Variants in NFATC2 observed in about 807,000 individuals in gnomAD.
NFATC2 encodes the protein nuclear factor of activated T cells 2.
In NFATC2, 22 loss-of-function variants were observed where a neutral mutation model predicts 87.3. The ratio of observed to expected loss-of-function variants is 0.25; its 90% CI spans 0.18 to 0.36. The LOEUF is 0.36. Ranked by LOEUF, NFATC2 falls within the 10% of genes least tolerant of loss-of-function variation. NFATC2 has a pLI of 1.00. For missense variants in NFATC2, 1,149 were observed against 1,259.1 expected (o/e 0.91, Z 1.32); for synonymous variants, 565 against 542.2 (o/e 1.04, Z -0.58).
At chr20:51,481,833 A>C (rs1989285722) in intron 3 of NFATC2, among the ~76,000 whole-genome samples, 1 of 152,206 alleles carries the variant, frequency 6.6e-6, no homozygotes, top group Non-Finnish European at 1.5e-5. Flanking sequence ...GACGCCATCC[A>C]ACCTCATCAC....
intron 9 of NFATC2, among the ~76,000 whole-genome samples, chr20:51,427,887 C>G (rs940810631): frequency 2.2e-4 from 34 of 152,364 alleles, no homozygotes; most frequent in Admixed American, 1.4e-3. Flanking sequence ...ATTTCGCTTG[C>G]TTACTTACTG....
At chr20:51,562,742 G>A (rs2077043488), upstream of NFATC2, 3 of 1,076,282 alleles carry the variant, frequency 2.8e-6, no homozygotes, top group South Asian at 1.5e-5. The surrounding 1 kb of genome is among the most constrained non-coding windows in gnomAD (Gnocchi z 5.8). Flanking sequence ...TGCCCTGGCC[G>A]AGGAGCCTCG....
At chr20:51,440,617 C>G (rs919729151) in intron 6 of NFATC2, among the ~76,000 whole-genome samples, 2 of 152,152 alleles carry the variant, frequency 1.3e-5, no homozygotes, top group African/African-American at 4.8e-5. Context: ...AACTATGAGC[C>G]AAGGGTCCAT....
chr20:51,400,951 T>C (rs1987969120), intron 9 of NFATC2, among the ~76,000 whole-genome samples: 1 of 151,920 alleles, frequency 6.6e-6, no homozygotes, highest in South Asian at 2.1e-4. Flanking sequence ...GGGGCCTCTG[T>C]TAAAATGTAG....
rs1484593319 is a variant in NFATC2, at chr20:51,523,372, G to A, written c.869C>T (p.Ser290Phe). The change falls in exon 2 of 11, where the codon TCC becomes TTC. Residue 290 changes from serine to phenylalanine, a missense_variant. Coordinates refer to ENST00000371564, the MANE Select transcript of NFATC2 (RefSeq NM_012340.5). The surrounding 1 kb of genome is among the most constrained non-coding windows in gnomAD (Gnocchi z 6.9). ...AGCCACAGGGGGGTACCCAGCCGGG[G>A]AGCCGTGGTCCTGGGGTGCCACGTG... ...SSHVAPQDHG[S>F]PAGYPPVAGS... 10 of 1,611,376 alleles carry A rather than the reference G, an allele frequency of 6.2e-6. No homozygotes were observed. The highest frequency in any genetic ancestry group is 2.2e-5 in the East Asian group (1 of 44,820).
chr20:51,472,635 T>G (rs896146312), intron 5 of NFATC2, among the ~76,000 whole-genome samples: 1 of 140,382 alleles, frequency 7.1e-6, no homozygotes, highest in African/African-American at 2.7e-5. Flanking sequence ...TCTTCTTTTT[T>G]TTTTTTTTTT....
At chr20:51,515,780 A>C (rs1158333323) in intron 3 of NFATC2, among the ~76,000 whole-genome samples, 2 of 151,272 alleles carry the variant, frequency 1.3e-5, no homozygotes, top group Non-Finnish European at 2.9e-5. Context: ...ACCTGTGGAG[A>C]TTTGGGGAGT....
chr20:51,493,419 C>T (rs989775186), intron 3 of NFATC2, among the ~76,000 whole-genome samples: 1 of 152,186 alleles, frequency 6.6e-6, no homozygotes, highest in African/African-American at 2.4e-5. Flanking sequence ...CACATTGCAA[C>T]TGAGTGATGT....
chr20:51,499,666 C>G (rs533040082), intron 3 of NFATC2, among the ~76,000 whole-genome samples: 101 of 151,688 alleles, frequency 6.7e-4, no homozygotes, highest in African/African-American at 2.4e-3. Flanking sequence ...TCGCTTGAAT[C>G]CGGAGGCAGA....
upstream of NFATC2, among the ~76,000 whole-genome samples, chr20:51,545,318 C>A (rs1270783590): frequency 6.6e-6 from 1 of 152,194 alleles, no homozygotes; most frequent in Non-Finnish European, 1.5e-5. Context: ...AACAGCACCC[C>A]AGTGTGTTCC....
intron 9 of NFATC2, among the ~76,000 whole-genome samples, chr20:51,415,271 AAC>A (rs1183287341): frequency 6.6e-6 from 1 of 152,072 alleles, no homozygotes; most frequent in African/African-American, 2.4e-5. Context: ...AAATTCTAAA[AAC>A]ACAATCAGGA....
At chr20:51,544,742 G>A (rs2076875548), upstream of NFATC2, among the ~76,000 whole-genome samples, 1 of 152,188 alleles carries the variant, frequency 6.6e-6, no homozygotes, top group South Asian at 2.1e-4. Flanking sequence ...ACCAGACATC[G>A]ATTTGATCAG....
upstream of NFATC2, among the ~76,000 whole-genome samples, chr20:51,546,475 G>A (rs765936868): frequency 4.6e-5 from 7 of 152,186 alleles, no homozygotes; most frequent in Non-Finnish European, 1.0e-4. Flanking sequence ...CTGGGAGGTG[G>A]AGGGATGGAG....
intron 5 of NFATC2, among the ~76,000 whole-genome samples, chr20:51,457,388 G>A (rs1234074092): frequency 6.6e-6 from 1 of 152,212 alleles, no homozygotes; most frequent in Non-Finnish European, 1.5e-5. Flanking sequence ...GGACTGGAAG[G>A]GGCTGCAAGC....
intron 3 of NFATC2, among the ~76,000 whole-genome samples, chr20:51,486,560 T>C (rs1354959784): frequency 1.3e-5 from 2 of 151,996 alleles, no homozygotes; most frequent in African/African-American, 4.8e-5. Flanking sequence ...GTGCTAAGTG[T>C]TACTTTATGT....
intron 5 of NFATC2, among the ~76,000 whole-genome samples, chr20:51,467,072 CAAAAAAAAA>C (rs35588474): frequency 1.3e-5 from 1 of 79,704 alleles, no homozygotes; most frequent in African/African-American, 3.9e-5. Context: ...GACTTAGTCT[CAAAAAAAAA>C]AAAAAAAAAG....
chr20:51,458,658 GAA>G (rs1851199364), intron 5 of NFATC2, among the ~76,000 whole-genome samples: 1 of 141,352 alleles, frequency 7.1e-6, no homozygotes, highest in Non-Finnish European at 1.5e-5. Flanking sequence ...AAAAAAAAAA[GAA>G]ATTATCTGGG....
In NFATC2 at chr20:51,391,069, A is replaced by G; in HGVS notation, c.*427T>C. On this transcript the variant is annotated 3_prime_UTR_variant, in exon 11 of 11. Transcript: ENST00000371564. The stretch of plus-strand genomic sequence containing the variant: ...TCCCCCGTCCATCCCCCCAAGCTCC[A>G]GTCACTCTGTTCTCAGGAGAGTTCC... The G allele has an allele frequency of 2.2e-6, 1 of 460,446 alleles. No individual in the cohort carries two copies. Among genetic ancestry groups the G allele is most frequent in the Non-Finnish European group, 4.1e-6 (1 of 244,732 alleles). The allele number at this position is 460,446 out of a possible 1,614,324, so 28.5% of individuals were successfully genotyped here.
chr20:51,435,157 T>C (rs112312123), intron 8 of NFATC2, 31 bp downstream of exon 8: 1 of 1,612,678 alleles, frequency 6.2e-7, no homozygotes, highest in East Asian at 2.2e-5. Flanking sequence ...TGCCTCTCAA[T>C]AACAAAGGGG....
Sources: allele counts gnomAD v4.1 joint callset (sites outside exome capture counted in the v4.1 genomes callset), GRCh38; gene constraint gnomAD v4.1.1; non-coding constraint Gnocchi (gnomAD v3.1); transcripts MANE v1.5; gene names NCBI Gene and HGNC (gene_info 2026-07-23, HGNC 2026-07-21).